The following SHC3 variants were observed in gnomAD, a reference collection of about 807,000 sequenced individuals.
The protein encoded by SHC3 is SHC-transforming protein 3.
SHC3 carries 15 observed loss-of-function variants against 60.4 expected under a neutral mutation model. That is an observed-to-expected ratio of 0.25 (90% confidence interval 0.17 to 0.38). The LOEUF (loss-of-function observed/expected upper bound fraction) is 0.38, where lower values mean the gene tolerates loss of function less well. Among genes scored for constraint, SHC3 ranks in the 10% least tolerant of loss-of-function variants. The probability of loss-of-function intolerance (pLI) is 1.00; values close to 1 mark genes in which losing one functional copy is unlikely to be tolerated. For missense variants in SHC3, 677 were observed against 786.1 expected, an observed-to-expected ratio of 0.86 and a Z score of 1.66; for synonymous variants, 294 against 325.9, an observed-to-expected ratio of 0.90 and a Z score of 1.05.
intron 2 of SHC3, among the ~76,000 whole-genome samples, chr9:89,093,025 T>C (rs931935379): frequency 2.6e-5 from 4 of 152,202 alleles, no homozygotes; most frequent in Non-Finnish European, 5.9e-5. Flanking sequence ...TGGGCTGTAG[T>C]TTGAGTCCAT....
intron 11 of SHC3, among the ~76,000 whole-genome samples, chr9:89,019,267 T>C (rs1473703641): frequency 2.0e-5 from 3 of 152,140 alleles, no homozygotes; most frequent in African/African-American, 7.2e-5. Context: ...TTGCTAAAAA[T>C]GTGTTGCCAT....
chr9:89,078,821 T>C (rs1825402367), intron 2 of SHC3, among the ~76,000 whole-genome samples: 1 of 151,868 alleles, frequency 6.6e-6, no homozygotes, highest in African/African-American at 2.4e-5. Flanking sequence ...GAGGAGAAAA[T>C]ACTACTGCAT....
intron 2 of SHC3, among the ~76,000 whole-genome samples, chr9:89,103,754 A>G (rs564645538): frequency 6.6e-6 from 1 of 152,316 alleles, no homozygotes; most frequent in South Asian, 2.1e-4. Context: ...TGGAGATGCC[A>G]TTGTGAATCC....
intron 1 of SHC3, among the ~76,000 whole-genome samples, chr9:89,175,332 C>T (rs1826927653): frequency 6.6e-6 from 1 of 152,182 alleles, no homozygotes; most frequent in Non-Finnish European, 1.5e-5. Flanking sequence ...CAATGATGGA[C>T]CAATTAGACA....
intron 1 of SHC3, among the ~76,000 whole-genome samples, chr9:89,169,943 G>A (rs1433919746): frequency 6.6e-6 from 1 of 152,140 alleles, no homozygotes; most frequent in Non-Finnish European, 1.5e-5. Flanking sequence ...CGGAGGAGGT[G>A]GAGATCAGTG....
At chr9:89,086,054 AGCCTGGCATGGGGCACAT>A (rs1273437265) in intron 2 of SHC3, among the ~76,000 whole-genome samples, 6 of 152,254 alleles carry the variant, frequency 3.9e-5, no homozygotes, top group African/African-American at 1.4e-4. Flanking sequence ...GCATTAATAG[AGCCTGGCATGGGGCACAT>A]GCAAGTTAAC....
intron 2 of SHC3, among the ~76,000 whole-genome samples, chr9:89,084,566 G>A: frequency 6.6e-6 from 1 of 152,154 alleles, no homozygotes; most frequent in East Asian, 1.9e-4. Flanking sequence ...GAGGTCACAG[G>A]TCATGTCACA....
chr9:89,149,365 G>A (rs1274018421), intron 1 of SHC3, among the ~76,000 whole-genome samples: 1 of 152,024 alleles, frequency 6.6e-6, no homozygotes, highest in African/African-American at 2.4e-5. Flanking sequence ...GTAAAATAAA[G>A]CATTATAAAA....
chr9:89,169,364 G>A (rs1826836624), intron 1 of SHC3, among the ~76,000 whole-genome samples: 2 of 152,116 alleles, frequency 1.3e-5, no homozygotes, highest in Non-Finnish European at 2.9e-5. Context: ...TGAACCACTT[G>A]GCCATATTTG....
At chr9:89,165,940 C>T (rs974818942) in intron 1 of SHC3, among the ~76,000 whole-genome samples, 1 of 152,098 alleles carries the variant, frequency 6.6e-6, no homozygotes, top group Non-Finnish European at 1.5e-5. Context: ...CTTACTTTTC[C>T]GATGGTTTCT....
At chr9:89,059,195 G>A (rs1414159553) in intron 6 of SHC3, among the ~76,000 whole-genome samples, 1 of 144,478 alleles carries the variant, frequency 6.9e-6, no homozygotes, top group Non-Finnish European at 1.5e-5. Flanking sequence ...GTGGAGGACA[G>A]TGGTGGAGGA....
At chr9:89,162,812 C>G (rs1446821995) in intron 1 of SHC3, among the ~76,000 whole-genome samples, 4 of 148,210 alleles carry the variant, frequency 2.7e-5, no homozygotes, top group African/African-American at 1.0e-4. Flanking sequence ...AGGCAACCTA[C>G]AAAATGGGAG....
chr9:89,109,125 T>C (rs938851191), intron 2 of SHC3: 45 of 985,364 alleles, frequency 4.6e-5, no homozygotes, highest in Admixed American at 6.1e-5. Context: ...GGATAGGAAA[T>C]CCTCTACAAA....
At chr9:89,155,072 T>C (rs1363843104) in intron 1 of SHC3, among the ~76,000 whole-genome samples, 1 of 152,168 alleles carries the variant, frequency 6.6e-6, no homozygotes, top group East Asian at 1.9e-4. Context: ...TTGCTTTTCT[T>C]CACGACACCC....
chr9:89,026,059 C>T (rs1307132396), intron 11 of SHC3, among the ~76,000 whole-genome samples: 3 of 152,122 alleles, frequency 2.0e-5, no homozygotes, highest in South Asian at 4.1e-4. Context: ...GCCTGGCCAA[C>T]ATGGTGAAAC....
intron 1 of SHC3, among the ~76,000 whole-genome samples, chr9:89,164,616 G>A (rs1277614173): frequency 1.3e-5 from 2 of 151,900 alleles, no homozygotes; most frequent in Non-Finnish European, 2.9e-5. Context: ...CTTTTAATTA[G>A]GCAGATGAGA....
At chr9:89,020,244 A>AGAGG (rs1826176114) in intron 11 of SHC3, among the ~76,000 whole-genome samples, 1 of 149,618 alleles carries the variant, frequency 6.7e-6, no homozygotes, top group Non-Finnish European at 1.5e-5. Flanking sequence ...AAGGGGTGAA[A>AGAGG]GAGGGAGAGG....
At position 89,018,433 on chromosome 9, in the gene SHC3, T is replaced by C. The variant is rs530409245; in HGVS notation, c.1657-4858A>G. ...ACATGCCCTCACTCATAAGTGGGAA[T>C]TGAACAATGAGAACACATGGACACA... On this transcript the variant is annotated intron_variant, in intron 11 of 11. Coordinates refer to ENST00000375835, the MANE Select transcript of SHC3 (RefSeq NM_016848.6). 3.6e-3 allele frequency among the ~76,000 whole-genome samples: 542 copies of C among 152,216 alleles called. 6 individuals are homozygous for C. The highest frequency in any genetic ancestry group is 0.013 in the African/African-American group (527 of 41,532).
At chr9:89,103,182 T>C (rs976658869) in intron 2 of SHC3, among the ~76,000 whole-genome samples, 1 of 152,126 alleles carries the variant, frequency 6.6e-6, no homozygotes, top group Non-Finnish European at 1.5e-5. Flanking sequence ...GAGTCATATG[T>C]TTGAGGCACG....
Sources: gnomAD v4.1 joint callset for allele counts (sites outside exome capture counted in the v4.1 genomes callset) on GRCh38, gnomAD v4.1.1 for gene constraint, MANE v1.5 for transcripts, NCBI Gene and HGNC (gene_info 2026-07-23, HGNC 2026-07-21) for gene names.